TPRG1: variants seen among roughly 807,000 people sequenced by gnomAD.
TPRG1 encodes tumor protein p63 regulated 1, also known as tumor protein p63-regulated gene 1 protein.
In TPRG1, 29 loss-of-function variants were observed where a neutral mutation model predicts 29.3. The ratio of observed to expected loss-of-function variants is 0.99; its 90% CI spans 0.74 to 1.35. TPRG1 has a LOEUF of 1.35. TPRG1 is among the 40% of genes most tolerant of loss of function. The probability of loss-of-function intolerance (pLI) is 0.00; values close to 1 mark genes in which losing one functional copy is unlikely to be tolerated. For missense variants in TPRG1, 327 were observed against 335.0 expected, an observed-to-expected ratio of 0.98 and a Z score of 0.19; for synonymous variants, 130 against 116.8, an observed-to-expected ratio of 1.11 and a Z score of -0.73.
chr3:189,143,399 A>G (rs150212869), intron 3 of TPRG1, among the ~76,000 whole-genome samples: 9 of 152,322 alleles, frequency 5.9e-5, no homozygotes, highest in African/African-American at 2.2e-4. Context: ...ATGATAAATA[A>G]GGAAGTTAGG....
intron 1 of TPRG1, among the ~76,000 whole-genome samples, chr3:189,104,586 T>C (rs931574525): frequency 2.0e-5 from 3 of 151,960 alleles, no homozygotes; most frequent in Non-Finnish European, 2.9e-5. Context: ...AGCCCCGATT[T>C]GTACCTATAA....
At chr3:189,255,990 G>A (rs1159816436) in intron 4 of TPRG1, among the ~76,000 whole-genome samples, 1 of 151,882 alleles carries the variant, frequency 6.6e-6, no homozygotes, top group Non-Finnish European at 1.5e-5. Flanking sequence ...TGTTTTAAAG[G>A]GTTTTTTGTG....
chr3:189,201,216 A>T (rs567527306), intron 1 of TPRG1, among the ~76,000 whole-genome samples: 1 of 152,378 alleles, frequency 6.6e-6, no homozygotes, highest in South Asian at 2.1e-4. Flanking sequence ...GGACTAAGGC[A>T]GTGAAGATTG....
At chr3:189,193,513 C>T (rs115840184) in intron 1 of TPRG1, among the ~76,000 whole-genome samples, 1,584 of 152,108 alleles carry the variant, frequency 0.01, 34 homozygotes, top group African/African-American at 0.036. Flanking sequence ...CATACACTTT[C>T]CCTTCTCTTT....
intron 1 of TPRG1, among the ~76,000 whole-genome samples, chr3:189,109,219 G>A (rs185357258): frequency 6.6e-5 from 10 of 152,216 alleles, no homozygotes; most frequent in Admixed American, 2.0e-4. Flanking sequence ...TCTGTCGTCC[G>A]GAGGAAGGAT....
intron 2 of TPRG1, among the ~76,000 whole-genome samples, chr3:189,001,178 C>T (rs1712001648): frequency 6.6e-6 from 1 of 152,118 alleles, no homozygotes; most frequent in Non-Finnish European, 1.5e-5. Flanking sequence ...CAACCAGAGA[C>T]ATGTATTCAT....
At chr3:189,011,685 C>T (rs529225892) in intron 3 of TPRG1, among the ~76,000 whole-genome samples, 32 of 152,110 alleles carry the variant, frequency 2.1e-4, no homozygotes, top group Non-Finnish European at 4.0e-4. Context: ...TGGGTCCATC[C>T]CACAACATGT....
chr3:189,024,651 A>G (rs1348042180), intron 4 of TPRG1, among the ~76,000 whole-genome samples: 1 of 152,144 alleles, frequency 6.6e-6, no homozygotes, highest in Admixed American at 6.5e-5. Context: ...AACAACAATG[A>G]TGGTGGCCTA....
Position 189,209,360 on chromosome 3 carries a change from C to G in TPRG1, c.210+1766C>G, listed in dbSNP as rs148294999. On this transcript the variant is annotated intron_variant, in intron 2 of 5. Coordinates refer to ENST00000345063, the MANE Select transcript of TPRG1 (RefSeq NM_198485.4). ...TACCTTTTGAATATTACACAGGTGT[C>G]TCTTGTTGCCAGCCCTAATTTGGAA... Among the ~76,000 whole-genome samples the G allele has an allele frequency of 4.3e-3, 651 of 152,272 alleles. 4 individuals carry two copies. Among genetic ancestry groups the G allele is most frequent in the Non-Finnish European group, 5.8e-3 (395 of 68,006 alleles).
intron 4 of TPRG1, among the ~76,000 whole-genome samples, chr3:189,288,714 T>C (rs558422116): frequency 3.5e-4 from 53 of 152,250 alleles, no homozygotes; most frequent in Non-Finnish European, 6.2e-4. Context: ...TAAGTCGCAG[T>C]TTCAAAACTT....
At chr3:189,314,976 T>G (rs1723249332) in intron 5 of TPRG1, among the ~76,000 whole-genome samples, 1 of 152,028 alleles carries the variant, frequency 6.6e-6, no homozygotes, top group Non-Finnish European at 1.5e-5. Context: ...ATAAAATAAA[T>G]TAATGAGACA....
At chr3:189,212,737 C>A (rs1202054083) in intron 2 of TPRG1, among the ~76,000 whole-genome samples, 1 of 152,102 alleles carries the variant, frequency 6.6e-6, no homozygotes, top group Non-Finnish European at 1.5e-5. Flanking sequence ...CTGGACATGA[C>A]AAGAGAGACC....
chr3:189,300,843 G>A (rs1720711873), intron 4 of TPRG1, among the ~76,000 whole-genome samples: 1 of 152,196 alleles, frequency 6.6e-6, no homozygotes, highest in African/African-American at 2.4e-5. Flanking sequence ...TAGAGCTCAT[G>A]GCTCTTGACC....
chr3:189,048,469 A>G (rs973505880), intron 4 of TPRG1, among the ~76,000 whole-genome samples: 19 of 152,330 alleles, frequency 1.2e-4, no homozygotes, highest in African/African-American at 4.3e-4. Context: ...ACTTAAAACT[A>G]AAGTCACCAG....
chr3:189,176,685 G>C (rs1447906789), intron 1 of TPRG1, among the ~76,000 whole-genome samples: 1 of 152,204 alleles, frequency 6.6e-6, no homozygotes, highest in East Asian at 1.9e-4. Flanking sequence ...GCACTAATTG[G>C]TGAAAGAGTA....
At chr3:189,264,503 C>T (rs1713698031) in intron 4 of TPRG1, among the ~76,000 whole-genome samples, 1 of 151,904 alleles carries the variant, frequency 6.6e-6, no homozygotes, top group African/African-American at 2.4e-5. Context: ...GTTCAAATTT[C>T]CTGGATCCAC....
At chr3:189,144,525 A>G (rs890721057) in intron 3 of TPRG1, among the ~76,000 whole-genome samples, 6 of 152,196 alleles carry the variant, frequency 3.9e-5, no homozygotes, top group Non-Finnish European at 8.8e-5. Context: ...GAGTTTCTCA[A>G]TAGCCCTGGA....
At chr3:189,001,330 G>A (rs61638682) in intron 2 of TPRG1, among the ~76,000 whole-genome samples, 10,844 of 152,160 alleles carry the variant, frequency 0.071, 761 homozygotes, top group African/African-American at 0.18. Flanking sequence ...TAGTCTGTTC[G>A]AGCTGCTAAC....
rs188284154 is a variant in TPRG1, at chr3:189,021,592, G to A, written c.-659-2158G>A. ...TCTTCTGGCTTGTAGGGTTTCTGCC[G>A]AGAGATCTGCTGTTAGTCTGATGGG... On this transcript the variant is annotated intron_variant, in intron 3 of 10. Transcript: ENST00000433971. Among the ~76,000 whole-genome samples, 261 of 152,272 alleles carry A rather than the reference G, an allele frequency of 1.7e-3. 1 individual carries two copies. The highest frequency in any genetic ancestry group is 6.0e-3 in the African/African-American group (251 of 41,532).
Sources: gnomAD v4.1 joint callset for allele counts (sites outside exome capture counted in the v4.1 genomes callset) on GRCh38, gnomAD v4.1.1 for gene constraint, MANE v1.5 for transcripts, NCBI Gene and HGNC (gene_info 2026-07-23, HGNC 2026-07-21) for gene names.